The following OPN5 variants were observed in gnomAD, a reference collection of about 807,000 sequenced individuals.
The protein encoded by OPN5 is opsin 5.
Under a neutral mutation model 41.7 loss-of-function variants are expected in OPN5, and 18 were observed. The ratio of observed to expected loss-of-function variants is 0.43; its 90% confidence interval spans 0.30 to 0.64. The LOEUF (loss-of-function observed/expected upper bound fraction) is 0.64, where lower values mean the gene tolerates loss of function less well. Among genes scored for constraint, OPN5 ranks in the 30% least tolerant of loss-of-function variants. The probability of loss-of-function intolerance (pLI) is 0.13; values close to 1 mark genes in which losing one functional copy is unlikely to be tolerated. For synonymous variants in OPN5, 178 were observed against 164.3 expected, an observed-to-expected ratio of 1.08 and a Z score of -0.64; for missense variants, 318 against 434.5, an observed-to-expected ratio of 0.73 and a Z score of 2.38.
At chr6:47,811,479 ACT>A (rs1391785882) in intron 5 of OPN5, among the ~76,000 whole-genome samples, 193 bp from the exon 6 acceptor site, 1 of 151,636 alleles carries the variant, frequency 6.6e-6, no homozygotes, top group East Asian at 1.9e-4. Flanking sequence ...TTTTTGGAAA[ACT>A]CTGCCCAAAT....
At position 47,810,824 on chromosome 6, in the gene OPN5, G is replaced by C. The variant is rs536586223; in HGVS notation, c.999-850G>C. Among the ~76,000 whole-genome samples the C allele has an allele frequency of 9.2e-5, 14 of 152,276 alleles. No homozygotes were observed. The South Asian group carries it at 2.9e-3, about 32-fold the overall frequency. On this transcript the variant is annotated intron_variant, in intron 5 of 6. Transcript: ENST00000371211. The stretch of plus-strand genomic sequence containing the variant: ...TCCTACACCTGGGTATCCAGATGTA[G>C]TCTCCCATATTTTGTAAACAGCACT...
At chr6:47,782,145 A>G in exon 1 of OPN5, 1 of 1,613,632 alleles carries the variant, frequency 6.2e-7, no homozygotes, top group South Asian at 1.1e-5. Flanking sequence ...TTTTGCTTCC[A>G]AACTTTCTTG....
intron 2 of OPN5, chr6:47,787,416 T>A (rs1455886448): frequency 2.0e-5 from 3 of 152,266 alleles, no homozygotes; most frequent in African/African-American, 7.2e-5. Flanking sequence ...TTTAAGTAAA[T>A]CATTCTTCAC....
intron 4 of OPN5, among the ~76,000 whole-genome samples, chr6:47,801,864 G>T (rs898085380): frequency 1.3e-5 from 2 of 151,744 alleles, no homozygotes; most frequent in Admixed American, 1.3e-4. Flanking sequence ...TTCATACATG[G>T]TAAGTGCTTA....
intron 6 of OPN5, among the ~76,000 whole-genome samples, chr6:47,816,107 A>G (rs1181558001): frequency 6.6e-6 from 1 of 152,156 alleles, no homozygotes; most frequent in Admixed American, 6.6e-5. Context: ...CCACATCTAC[A>G]TAGGCAAATA....
chr6:47,791,997 C>G, intron 3 of OPN5, 25 bp downstream of exon 3: 1 of 1,582,166 alleles, frequency 6.3e-7, no homozygotes, highest in Non-Finnish European at 8.7e-7. Flanking sequence ...TTCTCATTCC[C>G]TGACAGTTAA....
intron 5 of OPN5, among the ~76,000 whole-genome samples, chr6:47,811,254 C>T (rs1162517774): frequency 6.6e-6 from 1 of 152,100 alleles, no homozygotes; most frequent in Non-Finnish European, 1.5e-5. Flanking sequence ...GTGAAGATAA[C>T]AAGGGAGAAC....
chr6:47,797,430 C>A (rs1773611269), intron 4 of OPN5, among the ~76,000 whole-genome samples: 1 of 152,116 alleles, frequency 6.6e-6, no homozygotes, highest in South Asian at 2.1e-4. Context: ...CTAGCTCTCC[C>A]TTTAGCTCTT....
In OPN5 at chr6:47,806,293, T is replaced by C. The variant is rs554647119; in HGVS notation, c.757-1861T>C. ...GTAGATAACATTGTGTAAGGATACT[T>C]TGAAGTTAGTGTACGCTTTCTCAAT... is the stretch of plus-strand genomic sequence containing the variant. On this transcript the variant is annotated intron_variant, in intron 4 of 6. Coordinates refer to ENST00000371211, the Ensembl canonical transcript of OPN5. 1.4e-4 allele frequency among the ~76,000 whole-genome samples: 22 copies of C among 152,290 alleles called. No individual in the cohort carries two copies. The East Asian group carries it at 4.2e-3, about 29-fold the overall frequency.
intron 2 of OPN5, 122 bp from the exon 3 acceptor site, chr6:47,791,680 A>G: frequency 1.4e-6 from 1 of 710,862 alleles, no homozygotes. Flanking sequence ...TGTGTAATCA[A>G]GGGTGTGTGT....
At chr6:47,782,826 T>C (rs1180173609) in intron 1 of OPN5, among the ~76,000 whole-genome samples, 1 of 152,208 alleles carries the variant, frequency 6.6e-6, no homozygotes, top group Non-Finnish European at 1.5e-5. Flanking sequence ...GCTTCTAGAC[T>C]GCATGATCTC....
At chr6:47,786,523 T>C in exon 2 of OPN5, 2 of 1,610,716 alleles carry the variant, frequency 1.2e-6, no homozygotes, top group Non-Finnish European at 1.7e-6. Context: ...AGGGATTCTG[T>C]CCACATTTGG....
chr6:47,782,885 G>A (rs995176593), intron 1 of OPN5, among the ~76,000 whole-genome samples: 1 of 152,114 alleles, frequency 6.6e-6, no homozygotes, highest in African/African-American at 2.4e-5. Context: ...AGTTGCTGTA[G>A]TGTAAATACT....
At chr6:47,797,505 T>A (rs1358017876) in intron 4 of OPN5, among the ~76,000 whole-genome samples, 2 of 152,196 alleles carry the variant, frequency 1.3e-5, no homozygotes, top group African/African-American at 4.8e-5. Context: ...TTATATTTAA[T>A]CAAAATCCTA....
At chr6:47,820,387 G>A (rs1194615614) in intron 6 of OPN5, among the ~76,000 whole-genome samples, 2 of 152,124 alleles carry the variant, frequency 1.3e-5, no homozygotes, top group African/African-American at 2.4e-5. Flanking sequence ...TGTCTCTAAA[G>A]CCTGTGACTC....
chr6:47,815,564 G>A (rs1196365632), intron 6 of OPN5, among the ~76,000 whole-genome samples: 2 of 152,146 alleles, frequency 1.3e-5, no homozygotes, highest in South Asian at 2.1e-4. Flanking sequence ...AGCAGAGATA[G>A]CATCAGTCTT....
At chr6:47,815,743 T>C (rs1038656899) in intron 6 of OPN5, among the ~76,000 whole-genome samples, 1 of 152,114 alleles carries the variant, frequency 6.6e-6, no homozygotes, top group Non-Finnish European at 1.5e-5. Context: ...CAGACTTTGC[T>C]CAAAACCTCA....
chr6:47,796,218 T>C (rs1305016845), intron 4 of OPN5, among the ~76,000 whole-genome samples: 2 of 152,242 alleles, frequency 1.3e-5, no homozygotes, highest in Non-Finnish European at 2.9e-5. Flanking sequence ...TATTTAGCTT[T>C]CTTGAATCCC....
intron 6 of OPN5, among the ~76,000 whole-genome samples, chr6:47,818,693 C>A (rs1369602427): frequency 6.6e-6 from 1 of 152,186 alleles, no homozygotes; most frequent in African/African-American, 2.4e-5. Flanking sequence ...GATGACCCTA[C>A]CCACCTATTT....
Sources: allele counts gnomAD v4.1 joint callset (sites outside exome capture counted in the v4.1 genomes callset), GRCh38; gene constraint gnomAD v4.1.1; transcripts MANE v1.5; gene names NCBI Gene and HGNC (gene_info 2026-07-23, HGNC 2026-07-21).